Variants in MATN2 observed in about 807,000 individuals in gnomAD.
The protein encoded by MATN2 is matrilin-2.
Under a neutral mutation model 103.2 loss-of-function variants are expected in MATN2, and 69 were observed. The observed-to-expected ratio is 0.67, with a 90% confidence interval of 0.55 to 0.82. The LOEUF (loss-of-function observed/expected upper bound fraction) is 0.82, where lower values mean the gene tolerates loss of function less well. Among genes scored for constraint, MATN2 ranks in the 40% least tolerant of loss-of-function variants. The probability of loss-of-function intolerance (pLI) is 0.00; values close to 1 mark genes in which losing one functional copy is unlikely to be tolerated. For missense variants in MATN2, 1,023 were observed against 1,211.5 expected (o/e 0.84, Z 2.31); for synonymous variants, 429 against 450.2 (o/e 0.95, Z 0.60).
At chr8:97,892,401 G>A (rs892645866) in intron 2 of MATN2, among the ~76,000 whole-genome samples, 2 of 123,444 alleles carry the variant, frequency 1.6e-5, no homozygotes, top group Non-Finnish European at 3.3e-5. Context: ...GGGTGACAGA[G>A]TGAGACCCTG....
chr8:97,960,590 C>T (rs922633571), intron 4 of MATN2, among the ~76,000 whole-genome samples: 13 of 152,182 alleles, frequency 8.5e-5, no homozygotes, highest in Non-Finnish European at 2.9e-5. Flanking sequence ...CACGAATAGA[C>T]ATGTATCTAT....
intron 10 of MATN2, among the ~76,000 whole-genome samples, chr8:98,014,091 G>A (rs1208330520): frequency 6.6e-6 from 1 of 152,094 alleles, no homozygotes; most frequent in African/African-American, 2.4e-5. Context: ...CTGGGCGACA[G>A]AGCAAGCCTG....
At chr8:98,020,958 A>C in intron 12 of MATN2, 1 of 342,382 alleles carries the variant, frequency 2.9e-6, no homozygotes, top group Non-Finnish European at 5.4e-6. Context: ...ACATCTAATA[A>C]TAGGATAGTA....
intron 4 of MATN2, among the ~76,000 whole-genome samples, chr8:97,953,843 T>A (rs1811051138): frequency 1.3e-5 from 2 of 149,894 alleles, no homozygotes; most frequent in Non-Finnish European, 3.0e-5. Context: ...GTACCTTTAG[T>A]CCCAGCTACT....
chr8:98,015,554 T>C (rs1813331460), intron 10 of MATN2, among the ~76,000 whole-genome samples: 1 of 152,206 alleles, frequency 6.6e-6, no homozygotes, highest in Non-Finnish European at 1.5e-5. Context: ...CTGATAATGC[T>C]CTTTCCCAGA....
At chr8:97,994,446 G>T in intron 6 of MATN2, 34 bp from the exon 7 acceptor site, 1 of 1,588,646 alleles carries the variant, frequency 6.3e-7, no homozygotes, top group Non-Finnish European at 8.5e-7. Flanking sequence ...TTATTGATTG[G>T]TTTGCCATTC....
At position 98,017,240 on chromosome 8, in the gene MATN2, T is replaced by G. The variant is rs565795214; in HGVS notation, c.1696+578T>G. On this transcript the variant is annotated intron_variant, in intron 11 of 18. Coordinates refer to ENST00000254898, the MANE Select transcript of MATN2 (RefSeq NM_002380.5). Reference sequence around the variant, plus strand: ...CTAAGCCTCTCTGCTTATTTATCTTTAATAATGTTGTTGTTGTTATTTCTG... The same window carrying G: ...CTAAGCCTCTCTGCTTATTTATCTTGAATAATGTTGTTGTTGTTATTTCTG... Among the ~76,000 whole-genome samples the G allele has an allele frequency of 4.6e-5, 7 of 152,380 alleles. No individual in the cohort carries two copies. The East Asian group carries it at 1.3e-3, about 29-fold the overall frequency.
intron 10 of MATN2, among the ~76,000 whole-genome samples, chr8:98,010,171 A>G (rs1813109522): frequency 6.6e-6 from 1 of 151,932 alleles, no homozygotes; most frequent in Non-Finnish European, 1.5e-5. Context: ...CAAGTCCCCC[A>G]TTCTCTGAAC....
Position 97,941,765 on chromosome 8 carries a change from C to G in MATN2, c.713-12C>G, listed in dbSNP as rs1810575672. The G allele has an allele frequency of 1.3e-6, 2 of 1,574,808 alleles. No homozygotes were observed. The highest frequency in any genetic ancestry group is 1.3e-5 in the African/African-American group (1 of 74,304). On this transcript the variant is annotated splice_polypyrimidine_tract_variant and intron_variant, in intron 3 of 18. Coordinates refer to ENST00000254898, the MANE Select transcript of MATN2 (RefSeq NM_002380.5). ...TCACTGTTGACTTACCTTCCTGTGT[C>G]TTCCCTTTCAGCGGCCCATATGTGC... is the stretch of plus-strand genomic sequence containing the variant.
At chr8:98,017,858 T>A in intron 11 of MATN2, 136 bp from the exon 12 acceptor site, 1 of 906,892 alleles carries the variant, frequency 1.1e-6, no homozygotes, top group Non-Finnish European at 1.7e-6. Flanking sequence ...CAATTGTAAC[T>A]TCCTGCCCCA....
chr8:97,893,596 A>AT (rs1818708345), intron 2 of MATN2, among the ~76,000 whole-genome samples: 2 of 59,884 alleles, frequency 3.3e-5, no homozygotes, highest in East Asian at 4.6e-4. Flanking sequence ...TTATTTATTT[A>AT]TGATAGAGTC....
chr8:98,027,028 C>T (rs146383191), intron 13 of MATN2, among the ~76,000 whole-genome samples: 9 of 152,152 alleles, frequency 5.9e-5, no homozygotes, highest in Non-Finnish European at 1.2e-4. Context: ...GTCAGAATGC[C>T]AGCACTAGGG....
chr8:97,978,864 G>T (rs1379198564), intron 5 of MATN2, 22 bp from the exon 6 acceptor site: 3 of 1,613,278 alleles, frequency 1.9e-6, no homozygotes, highest in Non-Finnish European at 2.5e-6. Flanking sequence ...TTCTAATTCT[G>T]AATGTGTTTT....
Position 97,931,491 on chromosome 8 carries a change from G to T in MATN2, c.681G>T (p.Thr227=). 1.2e-6 allele frequency: 2 copies of T among 1,611,628 alleles called. No homozygotes were observed. The highest frequency in any genetic ancestry group is 1.7e-6 in the Non-Finnish European group (2 of 1,178,974). ...TGGCCAATTTCAGCCAGATTGAGAC[G>T]CTGACCTCCGTGTTCCAGAAGAAGT... ...FLVANFSQIE[T]LTSVFQKKLC... Residue 227 remains threonine, a synonymous_variant, in exon 3 of 19, where the codon ACG becomes ACT. Transcript: ENST00000254898. This position sits in a 1 kb window ranked among gnomAD's most constrained non-coding sequence, Gnocchi z 4.1.
At position 97,888,202 on chromosome 8, in the gene MATN2, G is replaced by A; in HGVS notation, c.102G>A (p.Arg34=). The A allele has an allele frequency of 6.2e-7, 1 of 1,602,252 alleles. No homozygotes were observed. The highest frequency in any genetic ancestry group is 1.1e-5 in the South Asian group (1 of 89,326). ...GGTCACGTGGGAGGTCCATCTCTAG[G>A]GGCAGACACGCTCGGACCCACCCGC... ...RERSRGRSIS[R]GRHARTHPQT... is the part of the protein sequence containing the mutation. The change falls in exon 2 of 19, where the codon AGG becomes AGA. Residue 34 remains arginine, a synonymous_variant. Transcript: ENST00000254898.
intron 10 of MATN2, among the ~76,000 whole-genome samples, chr8:98,012,469 TAC>T (rs1405760949): frequency 3.3e-5 from 5 of 151,854 alleles, no homozygotes; most frequent in African/African-American, 1.2e-4. Context: ...AGAGAGTGAG[TAC>T]AGTGAGCCAG....
intron 2 of MATN2, among the ~76,000 whole-genome samples, chr8:97,897,246 T>C (rs1356177645): frequency 6.6e-6 from 1 of 152,064 alleles, no homozygotes; most frequent in Non-Finnish European, 1.5e-5. Flanking sequence ...ACCTACAAGG[T>C]TGGGTGGGAA....
At chr8:97,981,901 A>T (rs1812037987) in intron 6 of MATN2, among the ~76,000 whole-genome samples, 1 of 152,098 alleles carries the variant, frequency 6.6e-6, no homozygotes, top group African/African-American at 2.4e-5. Context: ...ATACCGCAGC[A>T]TAGTGGGACT....
intron 10 of MATN2, among the ~76,000 whole-genome samples, chr8:98,015,748 C>A (rs1372039729): frequency 2.6e-5 from 4 of 152,180 alleles, no homozygotes; most frequent in African/African-American, 9.7e-5. Context: ...CTGTTTTCCA[C>A]GCATCCCTCT....
Sources: allele counts gnomAD v4.1 joint callset (sites outside exome capture counted in the v4.1 genomes callset), GRCh38; gene constraint gnomAD v4.1.1; non-coding constraint Gnocchi (gnomAD v3.1); transcripts MANE v1.5; gene names NCBI Gene and HGNC (gene_info 2026-07-23, HGNC 2026-07-21).